The following LRP1B variants were observed in gnomAD, a reference collection of about 807,000 sequenced individuals.
LRP1B encodes low-density lipoprotein receptor-related protein 1B.
LRP1B carries 217 observed loss-of-function variants against 556.6 expected under a neutral mutation model. The ratio of observed to expected loss-of-function variants is 0.39; its 90% confidence interval spans 0.35 to 0.44. The LOEUF is 0.44. Among genes scored for constraint, LRP1B ranks in the 20% least tolerant of loss-of-function variants. The pLI, the probability that LRP1B is intolerant of heterozygous loss-of-function variation, is 1.00. For missense variants in LRP1B, 5,053 were observed against 5,620.8 expected (o/e 0.90, Z 3.23); for synonymous variants, 2,047 against 1,865.8 (o/e 1.10, Z -2.50).
chr2:140,908,785 T>C (rs2105234084), intron 21 of LRP1B, among the ~76,000 whole-genome samples: 1 of 152,216 alleles, frequency 6.6e-6, no homozygotes, highest in Non-Finnish European at 1.5e-5. Flanking sequence ...AAGAGATCAA[T>C]GTTCATTGTT....
chr2:141,137,280 G>C (rs1163423433), intron 7 of LRP1B, among the ~76,000 whole-genome samples: 1 of 151,888 alleles, frequency 6.6e-6, no homozygotes, highest in African/African-American at 2.4e-5. Flanking sequence ...GGAGAAAAGT[G>C]CCCACATATC....
At chr2:141,314,826 A>ATG (rs1553493237) in intron 3 of LRP1B, among the ~76,000 whole-genome samples, 58 of 119,170 alleles carry the variant, frequency 4.9e-4, no homozygotes, top group African/African-American at 9.4e-4. Flanking sequence ...ATATATATAT[A>ATG]TGTGTATATA....
At chr2:141,081,359 A>G (rs1174557348) in intron 7 of LRP1B, among the ~76,000 whole-genome samples, 1 of 152,180 alleles carries the variant, frequency 6.6e-6, no homozygotes, top group Non-Finnish European at 1.5e-5. Flanking sequence ...TAAAATTTAA[A>G]AAAGAATAAT....
At chr2:141,632,563 C>T (rs1011490335) in intron 2 of LRP1B, among the ~76,000 whole-genome samples, 1 of 152,160 alleles carries the variant, frequency 6.6e-6, no homozygotes, top group Non-Finnish European at 1.5e-5. Flanking sequence ...TTTTAGTTTG[C>T]AGTTATCCTC....
intron 1 of LRP1B, among the ~76,000 whole-genome samples, chr2:141,902,681 C>G (rs2104936610): frequency 6.6e-6 from 1 of 151,552 alleles, no homozygotes; most frequent in South Asian, 2.1e-4. Context: ...CCAATATGAA[C>G]TTACTCTTGA....
At chr2:140,683,950 C>T (rs1685957209) in intron 41 of LRP1B, 1 of 372,970 alleles carries the variant, frequency 2.7e-6, no homozygotes, top group Non-Finnish European at 5.0e-6. Flanking sequence ...ACGTGACGCG[C>T]CTTTACTTTC....
intron 41 of LRP1B, chr2:140,683,844 C>G: frequency 1.6e-6 from 1 of 631,910 alleles, no homozygotes; most frequent in East Asian, 2.8e-5. Flanking sequence ...GCAGCCGACC[C>G]CGAAACAGCT....
intron 3 of LRP1B, among the ~76,000 whole-genome samples, chr2:141,319,629 A>G (rs1369925463): frequency 1.3e-5 from 2 of 152,146 alleles, no homozygotes; most frequent in East Asian, 3.9e-4. Context: ...TTATCAATCA[A>G]CTGTAACCAA....
chr2:140,358,983 G>T lies in LRP1B; in HGVS notation c.11132-37C>A, dbSNP rs1331149047. 6 of 1,590,886 alleles carry T rather than the reference G, an allele frequency of 3.8e-6. No individual in the cohort carries two copies. The African/African-American group carries it at 6.8e-5, about 18-fold the overall frequency. On this transcript the variant is annotated intron_variant, in intron 72 of 90. Coordinates refer to ENST00000389484, the MANE Select transcript of LRP1B (RefSeq NM_018557.3). ...GAAGAAAAAACAAAGAAGCTCCTTC[G>T]AGTACATTGCTTTATGAAGAACATT...
intron 21 of LRP1B, among the ~76,000 whole-genome samples, chr2:140,912,302 C>A (rs1354266621): frequency 6.6e-6 from 1 of 151,570 alleles, no homozygotes; most frequent in Non-Finnish European, 1.5e-5. Flanking sequence ...AAATCCTCAC[C>A]TAATCAAGTA....
chr2:140,282,237 T>C (rs1682945059), intron 84 of LRP1B, among the ~76,000 whole-genome samples: 1 of 151,810 alleles, frequency 6.6e-6, no homozygotes, highest in East Asian at 1.9e-4. Context: ...TAAAATGATG[T>C]AAATGATAAT....
chr2:141,554,932 T>G (rs1685907099), intron 2 of LRP1B, among the ~76,000 whole-genome samples: 1 of 151,948 alleles, frequency 6.6e-6, no homozygotes, highest in Non-Finnish European at 1.5e-5. Context: ...GTGTATCAAG[T>G]TCTTCAGGTG....
intron 83 of LRP1B, among the ~76,000 whole-genome samples, chr2:140,314,009 C>T (rs973303940): frequency 1.3e-5 from 2 of 151,886 alleles, no homozygotes; most frequent in Non-Finnish European, 2.9e-5. Context: ...TTCAGATCCA[C>T]ACTGAAAATT....
intron 2 of LRP1B, among the ~76,000 whole-genome samples, chr2:141,615,326 A>G (rs1688252987): frequency 1.3e-5 from 2 of 152,222 alleles, no homozygotes. Flanking sequence ...TAACAGTTTA[A>G]TACATGATAT....
At chr2:141,445,745 T>G (rs1179116698) in intron 3 of LRP1B, among the ~76,000 whole-genome samples, 1 of 152,260 alleles carries the variant, frequency 6.6e-6, no homozygotes, top group East Asian at 1.9e-4. Flanking sequence ...ATTGAGCTTC[T>G]AAATCCTGAA....
chr2:141,191,025 T>C (rs1043826154), intron 6 of LRP1B, among the ~76,000 whole-genome samples: 8 of 152,070 alleles, frequency 5.3e-5, no homozygotes, highest in African/African-American at 1.9e-4. Flanking sequence ...GAAACATCCT[T>C]ATTTCCAAAG....
chr2:140,547,960 A>G (rs1453071160), intron 43 of LRP1B, among the ~76,000 whole-genome samples: 1 of 133,120 alleles, frequency 7.5e-6, no homozygotes, highest in Admixed American at 7.5e-5. Context: ...TGTAATCAGG[A>G]AAAAAAAAAA....
rs1294893300 is a variant in LRP1B, at chr2:141,633,242, A to G, written c.206-152709T>C. Among the ~76,000 whole-genome samples, 3 of 152,172 alleles carry G rather than the reference A, an allele frequency of 2.0e-5. No individual in the cohort carries two copies. In the East Asian group the frequency reaches 5.8e-4, roughly 29 times the overall value. ...GGGATGGGAGCTCTCTCTCTGACTT[A>G]GTCTGTTCTTGCTTTAGCAACTGTA... On this transcript the variant is annotated intron_variant, in intron 2 of 90. Coordinates refer to ENST00000389484, the MANE Select transcript of LRP1B (RefSeq NM_018557.3).
intron 43 of LRP1B, among the ~76,000 whole-genome samples, chr2:140,551,553 C>T (rs1558962388): frequency 2.0e-5 from 3 of 152,108 alleles, no homozygotes; most frequent in Admixed American, 2.0e-4. Flanking sequence ...GTTTGTGATT[C>T]TGAGTTTTAT....
Sources: allele counts gnomAD v4.1 joint callset (sites outside exome capture counted in the v4.1 genomes callset), GRCh38; gene constraint gnomAD v4.1.1; transcripts MANE v1.5; gene names NCBI Gene and HGNC (gene_info 2026-07-23, HGNC 2026-07-21).